The following GXYLT1 variants were observed in gnomAD, a reference collection of about 807,000 sequenced individuals.
The protein encoded by GXYLT1 is glycosyltransferase 8 domain containing 3.
Under a neutral mutation model 54.0 loss-of-function variants are expected in GXYLT1, and 29 were observed. That is an observed-to-expected ratio of 0.54 (90% CI 0.40 to 0.73). The LOEUF (loss-of-function observed/expected upper bound fraction) is 0.73, where lower values mean the gene tolerates loss of function less well. Ranked by LOEUF, GXYLT1 falls within the 30% of genes least tolerant of loss-of-function variation. The pLI is 0.00. For missense variants in GXYLT1, 490 were observed against 553.4 expected, an observed-to-expected ratio of 0.89 and a Z score of 1.15; for synonymous variants, 176 against 204.1, an observed-to-expected ratio of 0.86 and a Z score of 1.17.
intron 3 of GXYLT1, among the ~76,000 whole-genome samples, chr12:42,112,573 G>A (rs184862246): frequency 5.3e-5 from 8 of 152,198 alleles, no homozygotes; most frequent in East Asian, 1.9e-4. Flanking sequence ...GAAATGAAGC[G>A]AGAAGAGAAG....
At chr12:42,131,165 T>G (rs2065592036) in intron 1 of GXYLT1, among the ~76,000 whole-genome samples, 1 of 152,198 alleles carries the variant, frequency 6.6e-6, no homozygotes, top group Non-Finnish European at 1.5e-5. Flanking sequence ...AAAAATTGTT[T>G]TTCATCGTGA....
rs1242734133 is a variant in GXYLT1 at position 42,083,682 on chromosome 12, C to G, written c.*4104G>C. The G allele has an allele frequency of 6.6e-6, 1 of 152,260 alleles. No individual in the cohort carries two copies. Among genetic ancestry groups the G allele is most frequent in the Non-Finnish European group, 1.5e-5 (1 of 68,042 alleles). 9.4% of individuals were successfully genotyped at this position (152,260 alleles called of 1,614,324 possible). On this transcript the variant is annotated 3_prime_UTR_variant, in exon 8 of 8. Coordinates refer to ENST00000398675, the MANE Select transcript of GXYLT1 (RefSeq NM_173601.2). The stretch of plus-strand genomic sequence containing the variant: ...TCTCTTAAATCTACTCAGAATGGTT[C>G]AACTGAAAGTATCCCAACTGAGGAA...
At position 42,144,766 on chromosome 12, in the gene GXYLT1, C is replaced by T. The variant is rs933893811; in HGVS notation, c.-120G>A. ...AGTTCCTCACCCGCAGCCGCCGCCG[C>T]CGCCTTGCGCCCGCTCCCTTCCTTC... On this transcript the variant is annotated 5_prime_UTR_variant, in exon 1 of 8. Transcript: ENST00000398675. The T allele has an allele frequency of 4.0e-5, 26 of 646,302 alleles. No homozygotes were observed. The highest frequency in any genetic ancestry group is 2.3e-4 in the South Asian group (6 of 26,126). 40.0% of individuals were successfully genotyped at this position (646,302 alleles called of 1,614,324 possible). A position where few individuals can be genotyped will look rare whatever the true frequency, so the allele number is the denominator to read the frequency against.
intron 2 of GXYLT1, among the ~76,000 whole-genome samples, chr12:42,123,523 T>C (rs2065543439): frequency 6.6e-6 from 1 of 152,128 alleles, no homozygotes; most frequent in Non-Finnish European, 1.5e-5. Context: ...AAAGAATGCT[T>C]TACATAACAA....
intron 2 of GXYLT1, among the ~76,000 whole-genome samples, chr12:42,128,272 G>C (rs1470960073): frequency 1.3e-5 from 2 of 152,074 alleles, no homozygotes; most frequent in Admixed American, 6.5e-5. Context: ...ACAAAAAAAA[G>C]ATAAATATGT....
intron 5 of GXYLT1, among the ~76,000 whole-genome samples, chr12:42,105,596 T>C (rs1283408075): frequency 3.9e-5 from 6 of 152,324 alleles, no homozygotes; most frequent in Middle Eastern, 3.4e-3. Context: ...TTTTACTCCA[T>C]TGTCATGTCA....
intron 3 of GXYLT1, among the ~76,000 whole-genome samples, chr12:42,111,700 C>T (rs2065457363): frequency 6.6e-6 from 1 of 152,236 alleles, no homozygotes; most frequent in Admixed American, 6.5e-5. Context: ...GTAGGCTCCA[C>T]CTCTGGGGGC....
intron 5 of GXYLT1, among the ~76,000 whole-genome samples, chr12:42,102,004 T>C (rs1452422266): frequency 1.3e-5 from 2 of 152,234 alleles, no homozygotes; most frequent in Non-Finnish European, 2.9e-5. Flanking sequence ...AAATTACTTT[T>C]TTGAATCTTT....
chr12:42,117,719 CTT>C (rs1305367573), intron 3 of GXYLT1, among the ~76,000 whole-genome samples: 2 of 152,104 alleles, frequency 1.3e-5, no homozygotes, highest in African/African-American at 4.8e-5. Context: ...GGTGAGTTTT[CTT>C]TTTCTTATAT....
At chr12:42,087,999 AT>A (rs2065307059) in intron 7 of GXYLT1, 52 bp from the exon 8 acceptor site, 2 of 939,838 alleles carry the variant, frequency 2.1e-6, no homozygotes, top group Admixed American at 2.9e-5. Flanking sequence ...AAAGGTACAT[AT>A]GTAAGTTCAA....
chr12:42,124,019 A>G (rs2065546559), intron 2 of GXYLT1, among the ~76,000 whole-genome samples: 1 of 151,822 alleles, frequency 6.6e-6, no homozygotes, highest in African/African-American at 2.4e-5. Flanking sequence ...TTACATATAA[A>G]ACACTTTCAA....
rs1287845057 is a variant in GXYLT1 at position 42,086,734 on chromosome 12, T to G, written c.*1052A>C. On this transcript the variant is annotated 3_prime_UTR_variant, in exon 8 of 8. Coordinates refer to ENST00000398675, the MANE Select transcript of GXYLT1 (RefSeq NM_173601.2). ...AACAATCTTATTCCAAATCATCCACTTAAGTTGTTTAACTTACTTAAAGTA... is the reference window on the plus strand; with the variant it reads ...AACAATCTTATTCCAAATCATCCACGTAAGTTGTTTAACTTACTTAAAGTA... The G allele has an allele frequency of 6.6e-6, 1 of 151,062 alleles. No individual in the cohort carries two copies. The highest frequency in any genetic ancestry group is 1.5e-5 in the Non-Finnish European group (1 of 67,636). The allele number at this position is 151,062 out of a possible 1,614,324, so 9.4% of individuals were successfully genotyped here.
At chr12:42,108,777 A>C (rs1295933950) in intron 4 of GXYLT1, among the ~76,000 whole-genome samples, 3 of 152,212 alleles carry the variant, frequency 2.0e-5, no homozygotes, top group Non-Finnish European at 4.4e-5. Context: ...TAGCAATAAG[A>C]AGTAACTGAA....
chr12:42,101,732 T>C (rs2065391345), intron 5 of GXYLT1, among the ~76,000 whole-genome samples: 1 of 152,068 alleles, frequency 6.6e-6, no homozygotes, highest in Non-Finnish European at 1.5e-5. Flanking sequence ...CCACCATGCC[T>C]GGCTAATTTT....
chr12:42,144,408 A>C lies in GXYLT1; in HGVS notation c.221+18T>G, dbSNP rs943089840. 1.5e-6 allele frequency: 2 copies of C among 1,337,112 alleles called. No individual in the cohort carries two copies. Among genetic ancestry groups the C allele is most frequent in the Non-Finnish European group, 9.6e-7 (1 of 1,040,004 alleles). 82.8% of individuals were successfully genotyped at this position (1,337,112 alleles called of 1,614,324 possible). A position where few individuals can be genotyped will look rare whatever the true frequency, so the allele number is the denominator to read the frequency against. On this transcript the variant is annotated intron_variant, in intron 1 of 7. Transcript: ENST00000398675. ...GCCCCGCGCCCGCCGCGTCCCCCACACCGGGAACTGCCCGTACCTGTCCGA... is the reference window on the plus strand; with the variant it reads ...GCCCCGCGCCCGCCGCGTCCCCCACCCCGGGAACTGCCCGTACCTGTCCGA...
At chr12:42,095,309 T>C (rs2065349513) in intron 7 of GXYLT1, among the ~76,000 whole-genome samples, 1 of 152,118 alleles carries the variant, frequency 6.6e-6, no homozygotes, top group African/African-American at 2.4e-5. Context: ...AATATATATA[T>C]ATGACACAGC....
Position 42,082,856 on chromosome 12 carries a change from A to G in GXYLT1, c.*4930T>C, listed in dbSNP as rs1222195293. 1 of 152,176 alleles carries G rather than the reference A, an allele frequency of 6.6e-6. No homozygotes were observed. The highest frequency in any genetic ancestry group is 6.5e-5 in the Admixed American group (1 of 15,284). 9.4% of individuals were successfully genotyped at this position (152,176 alleles called of 1,614,324 possible). A position where few individuals can be genotyped will look rare whatever the true frequency, so the allele number is the denominator to read the frequency against. On this transcript the variant is annotated 3_prime_UTR_variant, in exon 8 of 8. Transcript: ENST00000398675. ...TTACAAGAGGTTGCTATAGTGTGCT[A>G]TGTGTGTAAATATTCAGATCCTGTA...
chr12:42,097,346 G>A, intron 7 of GXYLT1, 96 bp downstream of exon 7: 2 of 863,768 alleles, frequency 2.3e-6, no homozygotes, highest in Non-Finnish European at 3.4e-6. Context: ...GAGGCTGAGT[G>A]TGTGTAAAAA....
At chr12:42,113,440 C>T (rs371256692) in intron 3 of GXYLT1, among the ~76,000 whole-genome samples, 4 of 150,950 alleles carry the variant, frequency 2.6e-5, no homozygotes, top group African/African-American at 9.9e-5. Flanking sequence ...GAGAAAGATC[C>T]ACCAAGCAAA....
Sources: allele counts gnomAD v4.1 joint callset (sites outside exome capture counted in the v4.1 genomes callset), GRCh38; gene constraint gnomAD v4.1.1; transcripts MANE v1.5; gene names NCBI Gene and HGNC (gene_info 2026-07-23, HGNC 2026-07-21).